Variants in ADAMTSL1 observed in about 807,000 individuals in gnomAD.
ADAMTSL1 encodes ADAMTS like 1.
ADAMTSL1 carries 126 observed loss-of-function variants against 201.8 expected under a neutral mutation model. The observed-to-expected ratio is 0.62, with a 90% confidence interval of 0.54 to 0.72. The LOEUF is 0.72. Among genes scored for constraint, ADAMTSL1 ranks in the 30% least tolerant of loss-of-function variants. ADAMTSL1 has a pLI of 0.00. For missense variants in ADAMTSL1, 2,679 were observed against 2,277.8 expected (o/e 1.18, Z -3.59); for synonymous variants, 1,121 against 903.4 (o/e 1.24, Z -4.32).
At chr9:18,033,959 C>T (rs542268667) in intron 1 of ADAMTSL1, among the ~76,000 whole-genome samples, 2 of 152,270 alleles carry the variant, frequency 1.3e-5, no homozygotes, top group South Asian at 4.1e-4. Context: ...TCTCTGTTAT[C>T]ATTCCTTGTA....
chr9:18,296,690 A>T (rs1274980483), intron 2 of ADAMTSL1, among the ~76,000 whole-genome samples: 1 of 152,172 alleles, frequency 6.6e-6, no homozygotes, highest in Admixed American at 6.5e-5. Context: ...GTTCCTATGT[A>T]TTTTACTAGT....
chr9:18,466,957 A>G (rs1489227117), intron 2 of ADAMTSL1, among the ~76,000 whole-genome samples: 1 of 152,132 alleles, frequency 6.6e-6, no homozygotes, highest in Non-Finnish European at 1.5e-5. Flanking sequence ...GGTTTTCAGA[A>G]ACCATTTTTT....
At chr9:18,608,963 G>A (rs537302574) in intron 4 of ADAMTSL1, among the ~76,000 whole-genome samples, 1 of 152,138 alleles carries the variant, frequency 6.6e-6, no homozygotes, top group Non-Finnish European at 1.5e-5. Flanking sequence ...CTTATACTAA[G>A]ATGGGTTGCT....
chr9:18,779,021 AAAG>A (rs1821226240), intron 19 of ADAMTSL1, among the ~76,000 whole-genome samples: 1 of 152,246 alleles, frequency 6.6e-6, no homozygotes, highest in South Asian at 2.1e-4. Flanking sequence ...GTAAGGAAGG[AAAG>A]AAGCCAGCAT....
intron 4 of ADAMTSL1, among the ~76,000 whole-genome samples, chr9:18,604,178 G>A (rs1824857176): frequency 6.6e-6 from 1 of 152,180 alleles, no homozygotes; most frequent in Non-Finnish European, 1.5e-5. Context: ...GCTTACAAAA[G>A]GTTTAAGGAG....
chr9:18,685,159 T>C (rs999519755), intron 13 of ADAMTSL1, among the ~76,000 whole-genome samples: 1 of 152,174 alleles, frequency 6.6e-6, no homozygotes, highest in African/African-American at 2.4e-5. Context: ...TTTCACACTC[T>C]CCCAGTTTTG....
chr9:18,839,280 G>C (rs960073441), intron 23 of ADAMTSL1, among the ~76,000 whole-genome samples: 2 of 147,480 alleles, frequency 1.4e-5, no homozygotes, highest in South Asian at 2.1e-4. Context: ...GAGAACATGC[G>C]GTGTTTGGTT....
intron 1 of ADAMTSL1, among the ~76,000 whole-genome samples, chr9:18,070,164 A>G (rs964486749): frequency 5.3e-5 from 8 of 152,320 alleles, no homozygotes; most frequent in Non-Finnish European, 7.4e-5. Flanking sequence ...TCTAAGAAAC[A>G]CAAGCATTCA....
intron 7 of ADAMTSL1, among the ~76,000 whole-genome samples, chr9:18,644,508 G>T (rs1439629307): frequency 1.3e-5 from 2 of 151,758 alleles, no homozygotes; most frequent in Non-Finnish European, 2.9e-5. Context: ...TTTGGTATTA[G>T]GTATATCTCC....
At chr9:18,560,661 A>G (rs1341960838) in intron 3 of ADAMTSL1, among the ~76,000 whole-genome samples, 1 of 151,550 alleles carries the variant, frequency 6.6e-6, no homozygotes, top group Non-Finnish European at 1.5e-5. Flanking sequence ...TTGGTAGGCT[A>G]TTAATTACTG....
intron 3 of ADAMTSL1, among the ~76,000 whole-genome samples, chr9:18,559,303 G>T (rs1821319332): frequency 6.6e-6 from 1 of 152,170 alleles, no homozygotes; most frequent in African/African-American, 2.4e-5. Context: ...GTTTGTCAAA[G>T]ATCAGGTGGT....
intron 28 of ADAMTSL1, 107 bp downstream of exon 28, chr9:18,907,019 C>A (rs2131628568): frequency 1.5e-6 from 2 of 1,310,136 alleles, no homozygotes; most frequent in Admixed American, 2.1e-5. Flanking sequence ...GTCAGCTTCC[C>A]CAGGGATTGT....
At chr9:18,259,151 T>C (rs902001858) in intron 2 of ADAMTSL1, among the ~76,000 whole-genome samples, 2 of 152,220 alleles carry the variant, frequency 1.3e-5, no homozygotes, top group African/African-American at 4.8e-5. Flanking sequence ...CAATTTCTTA[T>C]GCTCATGTGG....
chr9:18,312,918 T>G (rs916763290), intron 2 of ADAMTSL1, among the ~76,000 whole-genome samples: 4 of 152,194 alleles, frequency 2.6e-5, no homozygotes, highest in African/African-American at 4.8e-5. Flanking sequence ...CTTCTGTTCT[T>G]TAGAGTACTA....
chr9:17,952,119 CTTT>C (rs541405219), intron 1 of ADAMTSL1, among the ~76,000 whole-genome samples: 3 of 139,682 alleles, frequency 2.1e-5, no homozygotes, highest in Admixed American at 7.3e-5. Context: ...TTCTTTCTTT[CTTT>C]TTTTTTTTTT....
intron 3 of ADAMTSL1, among the ~76,000 whole-genome samples, chr9:18,556,674 A>T (rs954453860): frequency 1.9e-4 from 29 of 152,022 alleles, no homozygotes; most frequent in Admixed American, 1.6e-3. Context: ...ATGCTCCAAG[A>T]TCAACAAACT....
intron 8 of ADAMTSL1, 128 bp downstream of exon 8, chr9:18,657,878 C>CCT (rs1828802355): frequency 1.4e-6 from 1 of 729,354 alleles, no homozygotes; most frequent in South Asian, 1.8e-5. Flanking sequence ...TTCTTCTGAA[C>CCT]AGAGTGGAAT....
At chr9:18,848,767 C>T (rs114178832) in intron 23 of ADAMTSL1, among the ~76,000 whole-genome samples, 1,597 of 152,246 alleles carry the variant, frequency 0.01, 33 homozygotes, top group African/African-American at 0.036. Flanking sequence ...GCCCCTGTTG[C>T]GGGTATTCAA....
chr9:18,710,093 C>T (rs376831096), intron 14 of ADAMTSL1, among the ~76,000 whole-genome samples: 5 of 152,156 alleles, frequency 3.3e-5, no homozygotes, highest in East Asian at 3.8e-4. Context: ...ACTGTGAACT[C>T]CAAGGTGAAG....
Sources: allele counts gnomAD v4.1 joint callset (sites outside exome capture counted in the v4.1 genomes callset), GRCh38; gene constraint gnomAD v4.1.1; transcripts MANE v1.5; gene names NCBI Gene and HGNC (gene_info 2026-07-23, HGNC 2026-07-21).